ZNF470: variants seen among roughly 807,000 people sequenced by gnomAD.
The protein encoded by ZNF470 is chondrogenesis zinc finger protein 1.
In ZNF470, 13 loss-of-function variants were observed where a neutral mutation model predicts 13.9. The ratio of observed to expected loss-of-function variants is 0.94; its 90% confidence interval spans 0.61 to 1.49. The LOEUF (loss-of-function observed/expected upper bound fraction) is 1.49. Ranked by LOEUF, ZNF470 falls within the 40% of genes most tolerant of loss-of-function variation. The probability of loss-of-function intolerance (pLI) is 0.00; values close to 1 mark genes in which losing one functional copy is unlikely to be tolerated. For synonymous variants in ZNF470, 293 were observed against 282.9 expected (o/e 1.04, Z -0.36); for missense variants, 929 against 857.3 (o/e 1.08, Z -1.04).
intron 3 of ZNF470, among the ~76,000 whole-genome samples, chr19:56,572,701 T>C (rs2044464064): frequency 6.6e-6 from 1 of 151,582 alleles, no homozygotes; most frequent in Non-Finnish European, 1.5e-5. Flanking sequence ...TAGTTGATAA[T>C]CAAACTGCTG....
chr19:56,574,673 C>A lies in ZNF470; in HGVS notation c.223C>A (p.Leu75Met). The A allele has an allele frequency of 6.2e-7, 1 of 1,613,808 alleles. No individual in the cohort carries two copies. Among genetic ancestry groups the A allele is most frequent in the South Asian group, 1.1e-5 (1 of 91,072 alleles). The stretch of plus-strand genomic sequence containing the variant: ...TTCTAAACCAGATGTGATCTCCTTA[C>A]TGGAGCAAGAGAAAGACCCTTGGGT... ...CISKPDVISL[L>M]EQEKDPWVIK... The change falls in exon 5 of 6, where the codon CTG becomes ATG. Residue 75 changes from leucine (L) to methionine (M), a missense_variant. Coordinates refer to ENST00000330619, the MANE Select transcript of ZNF470 (RefSeq NM_001001668.4).
At chr19:56,570,519 G>C (rs2044444502) in intron 3 of ZNF470, 148 bp downstream of exon 3, 1 of 731,002 alleles carries the variant, frequency 1.4e-6, no homozygotes, top group Admixed American at 2.3e-5. Context: ...TGATGGGGTT[G>C]TGAGTGAGGG....
chr19:56,578,374 T>G lies in ZNF470; in HGVS notation c.1945T>G (p.Tyr649Asp). The change falls in exon 6 of 6, where the codon TAT becomes GAT. Residue 649 changes from tyrosine to aspartate, a missense_variant. By Grantham distance (160) the Tyr-to-Asp change is radical. Coordinates refer to ENST00000330619, the MANE Select transcript of ZNF470 (RefSeq NM_001001668.4). ...GAGAATTCATACAGGAGAGAAACCT[T>G]ATGAGTGTAAGGAATGTAGCAAAGC... is the stretch of plus-strand genomic sequence containing the variant. ...HQRIHTGEKP[Y>D]ECKECSKAFS... 3.1e-6 allele frequency: 5 copies of G among 1,611,606 alleles called. No individual in the cohort carries two copies. Among genetic ancestry groups the G allele is most frequent in the Non-Finnish European group, 3.4e-6 (4 of 1,178,674 alleles).
chr19:56,569,990 GA>G (rs373876624), intron 2 of ZNF470, among the ~76,000 whole-genome samples: 9,715 of 86,312 alleles, frequency 0.11, 334 homozygotes, highest in African/African-American at 0.15. Flanking sequence ...CCCTGTCTTA[GA>G]AAAAAAAAAT....
intron 2 of ZNF470, 146 bp downstream of exon 2, chr19:56,569,029 T>G (rs2044431702): frequency 6.6e-6 from 1 of 152,186 alleles, no homozygotes; most frequent in Admixed American, 6.5e-5. Context: ...TTAGGTAAAA[T>G]GGAGATGGTA....
In ZNF470 at chr19:56,577,529, C is replaced by G. The variant is rs771794213; in HGVS notation, c.1100C>G (p.Pro367Arg). ...CGAAGGATTCACACTGGGAAAAGAC[C>G]TTATGAATGTATTGACTGTGGGAAA... ...HHRRIHTGKRPYECIDCGKAF... is the reference protein window; with the variant it reads ...HHRRIHTGKRRYECIDCGKAF... The change falls in exon 6 of 6, where the codon CCT (proline) becomes CGT (arginine). Residue 367 changes from proline to arginine, a missense_variant. Pro to Arg is a moderately radical substitution (Grantham distance 103, BLOSUM62 -2). Transcript: ENST00000330619. 5.6e-6 allele frequency: 9 copies of G among 1,613,914 alleles called. No homozygotes were observed. The Admixed American group carries it at 1.5e-4, about 27-fold the overall frequency.
intron 2 of ZNF470, 94 bp from the exon 3 acceptor site, chr19:56,570,186 T>C: frequency 1.2e-6 from 1 of 826,804 alleles, no homozygotes; most frequent in Non-Finnish European, 2.0e-6. Flanking sequence ...GTGAGGACTG[T>C]GAGTGAGGAC....
rs1203337802 is a variant in ZNF470 at position 56,578,931 on chromosome 19, A to G, written c.*348A>G. The G allele has an allele frequency of 1.1e-5, 11 of 1,016,618 alleles. No individual in the cohort carries two copies. The highest frequency in any genetic ancestry group is 1.3e-5 in the Non-Finnish European group (11 of 850,848). The allele number at this position is 1,016,618 out of a possible 1,614,324, so 63.0% of individuals were successfully genotyped here. ...TATCATATTAAGCAGCAAGTAAACC[A>G]AACAGTAAGTCTAAGACTAAGATTT... On this transcript the variant is annotated 3_prime_UTR_variant, in exon 6 of 6. Coordinates refer to ENST00000330619, the MANE Select transcript of ZNF470 (RefSeq NM_001001668.4).
In ZNF470 at chr19:56,579,043, G is replaced by T; in HGVS notation, c.*460G>T. The T allele has an allele frequency of 1.0e-6, 1 of 986,358 alleles. No individual in the cohort carries two copies. Among genetic ancestry groups the T allele is most frequent in the African/African-American group, 1.7e-5 (1 of 57,386 alleles). 61.1% of individuals were successfully genotyped at this position (986,358 alleles called of 1,614,324 possible). A position where few individuals can be genotyped will look rare whatever the true frequency, so the allele number is the denominator to read the frequency against. On this transcript the variant is annotated 3_prime_UTR_variant, in exon 6 of 6. Transcript: ENST00000330619. ...AGATTTATGGTACACAAGGTAACAT[G>T]GTGGCTTATCACTCCCTCTGTGACA...
At chr19:56,570,750 A>G (rs562966841) in intron 3 of ZNF470, among the ~76,000 whole-genome samples, 1 of 152,318 alleles carries the variant, frequency 6.6e-6, no homozygotes, top group Admixed American at 6.5e-5. Flanking sequence ...CTGCTGGAGA[A>G]ATGAAAAGGC....
Position 56,576,926 on chromosome 19 carries a change from C to T in ZNF470, c.497C>T (p.Thr166Ile). ...FRQETITHID[T>I]LIEKRDHSNK... ...CAAGAGACCATCACTCATATAGATA[C>T]TCTTATTGAAAAAAGAGATCACTCT... Residue 166 changes from threonine (T) to isoleucine (I), a missense_variant, in exon 6 of 6, where the codon ACT (threonine) becomes ATT (isoleucine). Coordinates refer to ENST00000330619, the MANE Select transcript of ZNF470 (RefSeq NM_001001668.4). 3 of 1,579,204 alleles carry T rather than the reference C, an allele frequency of 1.9e-6. No homozygotes were observed. In the African/African-American group the frequency reaches 4.1e-5, roughly 22 times the overall value.
At chr19:56,575,171 T>C (rs146367327) in intron 5 of ZNF470, among the ~76,000 whole-genome samples, 44 of 152,242 alleles carry the variant, frequency 2.9e-4, no homozygotes, top group African/African-American at 8.9e-4. Flanking sequence ...TTTATTCTTG[T>C]TTTGTTGTTT....
intron 3 of ZNF470, chr19:56,573,968 G>C: frequency 1.0e-6 from 1 of 984,872 alleles, no homozygotes; most frequent in East Asian, 1.1e-4. Flanking sequence ...TGTGGAGATT[G>C]AAATCATGTT....
intron 5 of ZNF470, 44 bp downstream of exon 5, chr19:56,574,777 G>A (rs2044478103): frequency 1.9e-6 from 3 of 1,547,228 alleles, no homozygotes; most frequent in Non-Finnish European, 1.8e-6. Flanking sequence ...TTCTCAACAT[G>A]TTCTTGTCTC....
rs9916995 is a variant in ZNF470, at chr19:56,580,940, T to G, written c.*2357T>G. On this transcript the variant is annotated 3_prime_UTR_variant, in exon 6 of 6. Coordinates refer to ENST00000330619, the MANE Select transcript of ZNF470 (RefSeq NM_001001668.4). ...TTTCACACTAATGAAATGCCTGAGA[T>G]ATTAAAGGTCTAAATGTAAAATTAA... The G allele has an allele frequency of 0.37, 366,217 of 982,532 alleles. 70,897 individuals are homozygous for G. The highest frequency in any genetic ancestry group is 0.65 in the African/African-American group (36,977 of 57,146). 60.9% of individuals were successfully genotyped at this position (982,532 alleles called of 1,614,324 possible).
intron 3 of ZNF470, chr19:56,573,888 G>T: frequency 1.2e-6 from 1 of 851,274 alleles, no homozygotes; most frequent in Non-Finnish European, 1.4e-6. Context: ...ATAGCTAGGT[G>T]TTTTTTTCCT....
intron 3 of ZNF470, among the ~76,000 whole-genome samples, chr19:56,571,775 A>ATT (rs35836571): frequency 5.3e-5 from 7 of 131,974 alleles, no homozygotes; most frequent in Non-Finnish European, 9.6e-5. Flanking sequence ...CACCTGGCTA[A>ATT]TTTTTTTTTT....
At chr19:56,573,157 T>G (rs56045480) in intron 3 of ZNF470, among the ~76,000 whole-genome samples, 1,703 of 152,360 alleles carry the variant, frequency 0.011, 39 homozygotes, top group African/African-American at 0.038. Context: ...ATTGAAATAC[T>G]AAATGAAATG....
intron 3 of ZNF470, among the ~76,000 whole-genome samples, chr19:56,572,151 T>C (rs1488297924): frequency 6.7e-6 from 1 of 149,268 alleles, no homozygotes; most frequent in Non-Finnish European, 1.5e-5. Flanking sequence ...CCAGTGAAAG[T>C]TGCTATAAAA....
Sources: gnomAD v4.1 joint callset for allele counts (sites outside exome capture counted in the v4.1 genomes callset) on GRCh38, gnomAD v4.1.1 for gene constraint, MANE v1.5 for transcripts, NCBI Gene and HGNC (gene_info 2026-07-23, HGNC 2026-07-21) for gene names.